The following FAM171A1 variants were observed in gnomAD, a reference collection of about 807,000 sequenced individuals.
The protein encoded by FAM171A1 is protein FAM171A1.
Under a neutral mutation model 74.9 loss-of-function variants are expected in FAM171A1, and 23 were observed. The ratio of observed to expected loss-of-function variants is 0.31; its 90% CI spans 0.22 to 0.44. FAM171A1 has a LOEUF of 0.44. Among genes scored for constraint, FAM171A1 ranks in the 20% least tolerant of loss-of-function variants. FAM171A1 has a pLI of 1.00. For synonymous variants in FAM171A1, 527 were observed against 505.7 expected (o/e 1.04, Z -0.57); for missense variants, 1,162 against 1,159.2 (o/e 1.00, Z -0.03).
chr10:15,278,045 C>T (rs569967494), intron 2 of FAM171A1, among the ~76,000 whole-genome samples: 13 of 152,196 alleles, frequency 8.5e-5, no homozygotes, highest in Middle Eastern at 3.4e-3. Flanking sequence ...CATGAGCCAC[C>T]GTGCCCGGGT....
intron 5 of FAM171A1, among the ~76,000 whole-genome samples, chr10:15,236,146 A>T (rs374211353): frequency 2.6e-5 from 4 of 152,322 alleles, no homozygotes; most frequent in African/African-American, 9.6e-5. Context: ...AATATGGAAC[A>T]GCTGGTCAGG....
At chr10:15,245,585 G>A (rs1170020526) in intron 5 of FAM171A1, among the ~76,000 whole-genome samples, 1 of 152,154 alleles carries the variant, frequency 6.6e-6, no homozygotes, top group Admixed American at 6.5e-5. Flanking sequence ...TATTATTATT[G>A]CCATTTCACA....
chr10:15,351,612 C>G (rs28594329), intron 1 of FAM171A1, among the ~76,000 whole-genome samples: 70 of 81,308 alleles, frequency 8.6e-4, no homozygotes, highest in African/African-American at 2.9e-3. Context: ...TGGATGGATG[C>G]ATGGATGGAT....
chr10:15,371,009 T>A lies in FAM171A1; in HGVS notation c.44A>T (p.His15Leu). 1 of 1,188,600 alleles carries A rather than the reference T, an allele frequency of 8.4e-7. No individual in the cohort carries two copies. The highest frequency in any genetic ancestry group is 1.1e-6 in the Non-Finnish European group (1 of 936,942). 73.6% of individuals were successfully genotyped at this position (1,188,600 alleles called of 1,614,324 possible). A position where few individuals can be genotyped will look rare whatever the true frequency, so the allele number is the denominator to read the frequency against. ...CGTCTTGGTCACCGCCTTCCAGACG[T>A]GGCAGCCCAGCAGGCACAGCAGCAG... The part of the protein sequence containing the change: ...ATLLLCLLGC[H>L]VWKAVTKTLR... Residue 15 changes from histidine (H) to leucine (L), a missense_variant, in exon 1 of 8, where the codon CAC becomes CTC. Coordinates refer to ENST00000378116, the MANE Select transcript of FAM171A1 (RefSeq NM_001010924.2).
At chr10:15,336,501 T>C (rs1370092158) in intron 1 of FAM171A1, among the ~76,000 whole-genome samples, 2 of 152,166 alleles carry the variant, frequency 1.3e-5, no homozygotes, top group African/African-American at 4.8e-5. Context: ...GCTGCAAAAA[T>C]CTGTGTCCCA....
chr10:15,315,013 C>T (rs944982621), intron 1 of FAM171A1, among the ~76,000 whole-genome samples: 3 of 152,186 alleles, frequency 2.0e-5, no homozygotes, highest in South Asian at 4.1e-4. Flanking sequence ...GTTTGGAATT[C>T]GAGAAGAGGT....
intron 1 of FAM171A1, among the ~76,000 whole-genome samples, chr10:15,331,987 T>C (rs1835644160): frequency 6.6e-6 from 1 of 151,210 alleles, no homozygotes; most frequent in Non-Finnish European, 1.5e-5. Context: ...TCTTGCTCTG[T>C]TACCCAGGCT....
At chr10:15,351,309 C>T (rs1376039607) in intron 1 of FAM171A1, among the ~76,000 whole-genome samples, 2 of 152,118 alleles carry the variant, frequency 1.3e-5, no homozygotes, top group African/African-American at 2.4e-5. Flanking sequence ...AGTGTGGGTG[C>T]GTAAGCCCCC....
intron 3 of FAM171A1, among the ~76,000 whole-genome samples, chr10:15,256,215 C>T (rs1834578984): frequency 6.6e-6 from 1 of 152,148 alleles, no homozygotes; most frequent in African/African-American, 2.4e-5. Flanking sequence ...TTCCTTTTAA[C>T]TCTGGATCAA....
intron 1 of FAM171A1, among the ~76,000 whole-genome samples, chr10:15,298,962 C>G (rs1247269550): frequency 1.3e-5 from 2 of 152,062 alleles, no homozygotes. Context: ...ACTCTGTTAC[C>G]CAGGCTGGAG....
At chr10:15,229,498 CCAA>C (rs1834157358) in intron 5 of FAM171A1, among the ~76,000 whole-genome samples, 1 of 149,302 alleles carries the variant, frequency 6.7e-6, no homozygotes, top group Non-Finnish European at 1.5e-5. Flanking sequence ...ACCATAATCA[CCAA>C]CACCATCATC....
At chr10:15,356,159 G>A (rs1342477999) in intron 1 of FAM171A1, among the ~76,000 whole-genome samples, 1 of 151,606 alleles carries the variant, frequency 6.6e-6, no homozygotes, top group Non-Finnish European at 1.5e-5. Flanking sequence ...TTTATAGCTG[G>A]AAAGTAAAAT....
chr10:15,213,488 C>A lies in FAM171A1; in HGVS notation c.2100G>T (p.Lys700Asn), dbSNP rs756568355. The change falls in exon 8 of 8, where the codon AAG becomes AAT. Residue 700 changes from lysine to asparagine, a missense_variant. Physicochemically the swap from Lys to Asn is moderately conservative, Grantham distance 94. Coordinates refer to ENST00000378116, the MANE Select transcript of FAM171A1 (RefSeq NM_001010924.2). The surrounding 1 kb of genome is among the most constrained non-coding windows in gnomAD (Gnocchi z 6.8). ...EKALMELGGG[K>N]PLPHPRAWFV... ...ACCACGCCCGGGGGTGCGGAAGCGG[C>A]TTCCCACCCCCAAGCTCCATCAGGG... 6.2e-7 allele frequency: 1 copy of A among 1,614,158 alleles called. No homozygotes were observed. Among genetic ancestry groups the A allele is most frequent in the Non-Finnish European group, 8.5e-7 (1 of 1,180,040 alleles).
intron 1 of FAM171A1, among the ~76,000 whole-genome samples, chr10:15,292,336 C>T (rs1835111777): frequency 6.6e-6 from 1 of 152,208 alleles, no homozygotes; most frequent in Admixed American, 6.5e-5. Flanking sequence ...TCCTCCCAAA[C>T]CTGTCCTGAT....
At chr10:15,276,181 CT>C (rs1194123903) in intron 2 of FAM171A1, among the ~76,000 whole-genome samples, 4 of 149,218 alleles carry the variant, frequency 2.7e-5, no homozygotes, top group African/African-American at 4.9e-5. Context: ...TAGAAGTTTT[CT>C]TTTTTTTTTC....
At chr10:15,224,088 T>G (rs1277637827) in intron 5 of FAM171A1, among the ~76,000 whole-genome samples, 1 of 152,044 alleles carries the variant, frequency 6.6e-6, no homozygotes, top group Non-Finnish European at 1.5e-5. Flanking sequence ...ACATAGCTGC[T>G]TGGAGGGTCA....
At chr10:15,328,078 C>CA (rs764116664) in intron 1 of FAM171A1, among the ~76,000 whole-genome samples, 65,708 of 136,258 alleles carry the variant, frequency 0.48, 14,872 homozygotes, top group Non-Finnish European at 0.53. Flanking sequence ...TTGCAGCCTT[C>CA]AAAAAAACCC....
intron 1 of FAM171A1, among the ~76,000 whole-genome samples, chr10:15,340,868 G>A (rs922399828): frequency 1.3e-5 from 2 of 152,148 alleles, no homozygotes; most frequent in African/African-American, 2.4e-5. Context: ...TCACTCAGGA[G>A]TTTGACAATT....
intron 1 of FAM171A1, among the ~76,000 whole-genome samples, chr10:15,362,006 A>G (rs1286663680): frequency 6.6e-6 from 1 of 152,234 alleles, no homozygotes; most frequent in Non-Finnish European, 1.5e-5. Flanking sequence ...CTTCCAAGGT[A>G]TCTTTTCCTA....
Sources: gnomAD v4.1 joint callset for allele counts (sites outside exome capture counted in the v4.1 genomes callset) on GRCh38, gnomAD v4.1.1 for gene constraint, Gnocchi (gnomAD v3.1) non-coding constraint, MANE v1.5 for transcripts, NCBI Gene and HGNC (gene_info 2026-07-23, HGNC 2026-07-21) for gene names.